Variants in NECAB1 observed in about 807,000 individuals in gnomAD.
NECAB1 encodes N-terminal EF-hand calcium-binding protein 1.
Under a neutral mutation model 57.5 loss-of-function variants are expected in NECAB1, and 29 were observed. The observed-to-expected ratio is 0.50, with a 90% CI of 0.38 to 0.69. The LOEUF (loss-of-function observed/expected upper bound fraction) is 0.69, where lower values mean the gene tolerates loss of function less well. NECAB1 is among the 30% of genes least tolerant of loss of function. NECAB1 has a pLI of 0.00. For synonymous variants in NECAB1, 142 were observed against 147.7 expected (o/e 0.96, Z 0.28); for missense variants, 372 against 413.8 (o/e 0.90, Z 0.88).
At chr8:90,937,433 T>C (rs1333611390) in intron 9 of NECAB1, among the ~76,000 whole-genome samples, 1 of 152,094 alleles carries the variant, frequency 6.6e-6, no homozygotes, top group Non-Finnish European at 1.5e-5. Context: ...CAAAATGACA[T>C]AATACTTAAG....
At chr8:90,879,070 AAT>A (rs1481349371) in intron 4 of NECAB1, among the ~76,000 whole-genome samples, 2 of 142,568 alleles carry the variant, frequency 1.4e-5, no homozygotes, top group African/African-American at 2.6e-5. Flanking sequence ...TCTTATATAT[AAT>A]ATATATTATA....
intron 3 of NECAB1, among the ~76,000 whole-genome samples, chr8:90,851,343 A>G (rs1812678789): frequency 6.6e-6 from 1 of 152,202 alleles, no homozygotes; most frequent in African/African-American, 2.4e-5. Context: ...TCCTCCGGAC[A>G]GGACAGAAGT....
intron 10 of NECAB1, among the ~76,000 whole-genome samples, chr8:90,945,050 A>G (rs1450775714): frequency 6.6e-6 from 1 of 151,562 alleles, no homozygotes; most frequent in Admixed American, 6.6e-5. Flanking sequence ...GGTGCATGCC[A>G]CCATGCCTGG....
chr8:90,869,016 T>C lies in NECAB1; in HGVS notation c.234-3112T>C, dbSNP rs1604919. ...CCTCAGGACATGGAGCCCTGCATCT[T>C]GGCCGCAGCTGCTCCAGCTCCAGCC... On this transcript the variant is annotated intron_variant, in intron 3 of 12. Transcript: ENST00000417640. Among the ~76,000 whole-genome samples the C allele has an allele frequency of 4.7e-3, 717 of 152,184 alleles. 4 individuals carry two copies. The highest frequency in any genetic ancestry group is 0.016 in the African/African-American group (685 of 41,538).
At chr8:90,856,332 A>G (rs1325610701) in intron 3 of NECAB1, among the ~76,000 whole-genome samples, 1 of 152,152 alleles carries the variant, frequency 6.6e-6, no homozygotes, top group African/African-American at 2.4e-5. Context: ...TTTAAAAAAA[A>G]GTGTATTTAA....
chr8:90,899,148 C>G lies in NECAB1; in HGVS notation c.357+18018C>G, dbSNP rs113702867. Among the ~76,000 whole-genome samples, 1,392 of 152,280 alleles carry G rather than the reference C, an allele frequency of 9.1e-3. 20 individuals carry two copies. The highest frequency in any genetic ancestry group is 0.031 in the African/African-American group (1,303 of 41,540). ...GGCAAAGACTGCTCATAAGAGGAGT[C>G]CCCCCTGACTTACACCATCCTTAGT... On this transcript the variant is annotated intron_variant, in intron 5 of 12. Transcript: ENST00000417640.
chr8:90,949,170 G>A (rs1810875218), intron 10 of NECAB1, among the ~76,000 whole-genome samples: 1 of 149,326 alleles, frequency 6.7e-6, no homozygotes, highest in African/African-American at 2.5e-5. Flanking sequence ...GTGTGTGTGT[G>A]TGTGTGTGTG....
At chr8:90,833,785 T>C (rs1172358298) in intron 3 of NECAB1, among the ~76,000 whole-genome samples, 1 of 152,160 alleles carries the variant, frequency 6.6e-6, no homozygotes, top group Non-Finnish European at 1.5e-5. Flanking sequence ...CCATTTCCAA[T>C]GCCCCAACCA....
intron 2 of NECAB1, among the ~76,000 whole-genome samples, chr8:90,805,034 T>C (rs956397459): frequency 6.6e-6 from 1 of 152,246 alleles, no homozygotes; most frequent in African/African-American, 2.4e-5. Flanking sequence ...CTGTGATGAC[T>C]TGGCTATCTG....
In NECAB1 at chr8:90,957,840, TTTAAAAAA is replaced by T. The variant is rs1811060088; in HGVS notation, c.*2338_*2345del. Reference sequence around the variant, plus strand: ...AACAAAGTAGTAAAATAAAAAAAAATTTAAAAAATTAAAAAATAAAAAAAAGAGGTCAC... The same window carrying T: ...AACAAAGTAGTAAAATAAAAAAAAATTTAAAAAATAAAAAAAAGAGGTCAC... On this transcript the variant is annotated 3_prime_UTR_variant, in exon 13 of 13. Coordinates refer to ENST00000417640, the MANE Select transcript of NECAB1 (RefSeq NM_022351.5). The T allele has an allele frequency of 6.7e-6, 1 of 149,244 alleles. No individual in the cohort carries two copies. The highest frequency in any genetic ancestry group is 1.5e-5 in the Non-Finnish European group (1 of 67,020). 9.2% of individuals were successfully genotyped at this position (149,244 alleles called of 1,614,324 possible).
At position 90,837,263 on chromosome 8, in the gene NECAB1, G is replaced by C. The variant is rs1426688896; in HGVS notation, c.233+12438G>C. 2.0e-4 allele frequency among the ~76,000 whole-genome samples: 30 copies of C among 152,130 alleles called. 1 individual carries two copies. Among genetic ancestry groups the C allele is most frequent in the Admixed American group, 2.0e-3 (30 of 15,280 alleles). On this transcript the variant is annotated intron_variant, in intron 3 of 12. Transcript: ENST00000417640. ...CCATTACAGTACATTTATCTGCCAG[G>C]GATAAGTTCCAAGACCCACAGTGGA...
At chr8:90,803,758 C>G (rs1811801341) in intron 2 of NECAB1, among the ~76,000 whole-genome samples, 1 of 152,170 alleles carries the variant, frequency 6.6e-6, no homozygotes, top group South Asian at 2.1e-4. Flanking sequence ...TGCTGAAGCA[C>G]TCAGTCCCCC....
At chr8:90,801,806 G>T in intron 2 of NECAB1, 91 bp downstream of exon 2, 1 of 871,250 alleles carries the variant, frequency 1.1e-6, no homozygotes, top group Non-Finnish European at 1.7e-6. Context: ...GGACAGTCCG[G>T]GAAAATTACA....
intron 3 of NECAB1, among the ~76,000 whole-genome samples, chr8:90,862,706 A>G (rs1224827963): frequency 6.7e-6 from 1 of 150,066 alleles, no homozygotes; most frequent in African/African-American, 2.5e-5. Context: ...CTAACAAGCC[A>G]TATTTTGAGG....
intron 6 of NECAB1, among the ~76,000 whole-genome samples, chr8:90,922,803 A>AT (rs1012666684): frequency 6.6e-6 from 1 of 152,046 alleles, no homozygotes; most frequent in Non-Finnish European, 1.5e-5. Flanking sequence ...AAAAACTTGG[A>AT]TTTTTTTATA....
rs1809897496 is a variant in NECAB1 at position 90,914,238 on chromosome 8, G to A, written c.358-3254G>A. Reference sequence around the variant, plus strand: ...GGGGAAGATAGACAAATGAACAACAGATCACAACATCACAATGAAAAATTC... The same window carrying A: ...GGGGAAGATAGACAAATGAACAACAAATCACAACATCACAATGAAAAATTC... On this transcript the variant is annotated intron_variant, in intron 5 of 12. Coordinates refer to ENST00000417640, the MANE Select transcript of NECAB1 (RefSeq NM_022351.5). Among the ~76,000 whole-genome samples, 4 of 152,136 alleles carry A rather than the reference G, an allele frequency of 2.6e-5. No homozygotes were observed. The South Asian group carries it at 8.3e-4, about 32-fold the overall frequency.
intron 10 of NECAB1, among the ~76,000 whole-genome samples, chr8:90,947,229 T>G (rs1374768717): frequency 6.6e-6 from 1 of 151,360 alleles, no homozygotes; most frequent in Non-Finnish European, 1.5e-5. Flanking sequence ...TTAGACACCA[T>G]TAAGGCTTAG....
chr8:90,946,734 A>C (rs747385794), intron 10 of NECAB1, among the ~76,000 whole-genome samples: 1 of 152,124 alleles, frequency 6.6e-6, no homozygotes, highest in Non-Finnish European at 1.5e-5. Flanking sequence ...GAAGATGCAA[A>C]TGTTTTCCCA....
chr8:90,926,363 A>C (rs1810271999), intron 7 of NECAB1, among the ~76,000 whole-genome samples: 1 of 152,184 alleles, frequency 6.6e-6, no homozygotes, highest in Non-Finnish European at 1.5e-5. Flanking sequence ...GAAAGATTTC[A>C]GAGTATTTTT....
Sources: gnomAD v4.1 joint callset for allele counts (sites outside exome capture counted in the v4.1 genomes callset) on GRCh38, gnomAD v4.1.1 for gene constraint, MANE v1.5 for transcripts, NCBI Gene and HGNC (gene_info 2026-07-23, HGNC 2026-07-21) for gene names.